TYW1B: variants seen among roughly 807,000 people sequenced by gnomAD.
TYW1B encodes tRNA-yW synthesizing protein 1 homolog B, also known as S-adenosyl-L-methionine-dependent tRNA 4-demethylwyosine synthase TYW1B.
In TYW1B, 73 loss-of-function variants were observed where a neutral mutation model predicts 86.9. The observed-to-expected ratio is 0.84, with a 90% CI of 0.70 to 1.02. The LOEUF (loss-of-function observed/expected upper bound fraction) is 1.02, where lower values mean the gene tolerates loss of function less well. Ranked by LOEUF, TYW1B falls within the 50% of genes least tolerant of loss-of-function variation. The pLI, the probability that TYW1B is intolerant of heterozygous loss-of-function variation, is 0.00. For synonymous variants in TYW1B, 248 were observed against 292.8 expected, an observed-to-expected ratio of 0.85 and a Z score of 1.56; for missense variants, 637 against 827.4, an observed-to-expected ratio of 0.77 and a Z score of 2.82.
chr7:72,675,228 G>A (rs1336216849), intron 11 of TYW1B, among the ~76,000 whole-genome samples: 4 of 151,838 alleles, frequency 2.6e-5, no homozygotes, highest in African/African-American at 9.7e-5. Flanking sequence ...GTGAAACCCC[G>A]TCTCTACTAA....
chr7:72,623,327 G>C (rs1407389721), intron 12 of TYW1B, among the ~76,000 whole-genome samples: 1 of 152,054 alleles, frequency 6.6e-6, no homozygotes, highest in African/African-American at 2.4e-5. Flanking sequence ...TGTGAATCTA[G>C]GGCCAATTTG....
chr7:72,760,043 A>T (rs1293766822), intron 7 of TYW1B, among the ~76,000 whole-genome samples: 2 of 152,196 alleles, frequency 1.3e-5, no homozygotes, highest in African/African-American at 4.8e-5. Flanking sequence ...CGGCACACAG[A>T]GGCAAAAAGA....
At chr7:72,688,764 A>G (rs1308555609) in intron 11 of TYW1B, among the ~76,000 whole-genome samples, 3 of 152,194 alleles carry the variant, frequency 2.0e-5, no homozygotes, top group South Asian at 4.1e-4. Context: ...CATAGAAGCT[A>G]TTATCCACTA....
intron 7 of TYW1B, among the ~76,000 whole-genome samples, chr7:72,752,016 T>C (rs13237657): frequency 0.68 from 102,922 of 151,680 alleles, 35,954 homozygotes; most frequent in Non-Finnish European, 0.77. Context: ...TTGTGGCAGC[T>C]TGTCTGGCTT....
At chr7:72,816,241 T>C (rs1347498375) in intron 2 of TYW1B, among the ~76,000 whole-genome samples, 1 of 151,940 alleles carries the variant, frequency 6.6e-6, no homozygotes, top group Non-Finnish European at 1.5e-5. Flanking sequence ...CCAAGCGTGG[T>C]GGCACACACC....
chr7:72,593,178 G>C (rs61346321), intron 13 of TYW1B, among the ~76,000 whole-genome samples: 6,445 of 152,084 alleles, frequency 0.042, 452 homozygotes, highest in African/African-American at 0.15. Flanking sequence ...TGTAATCCCA[G>C]CTACTCGGGG....
At chr7:72,667,833 A>T (rs1306550066) in intron 11 of TYW1B, among the ~76,000 whole-genome samples, 1 of 152,230 alleles carries the variant, frequency 6.6e-6, no homozygotes, top group African/African-American at 2.4e-5. Context: ...AGGCAATCTG[A>T]TGATATATGA....
intron 13 of TYW1B, among the ~76,000 whole-genome samples, chr7:72,604,337 T>A (rs537613677): frequency 2.0e-5 from 3 of 152,036 alleles, no homozygotes; most frequent in Admixed American, 1.3e-4. Flanking sequence ...TGGCGTGCGC[T>A]TGTAATCCCA....
chr7:72,649,236 C>T (rs1813005018), intron 11 of TYW1B, among the ~76,000 whole-genome samples: 1 of 152,006 alleles, frequency 6.6e-6, no homozygotes, highest in Non-Finnish European at 1.5e-5. Context: ...GACAAAATAG[C>T]TGAAAGAGAA....
At chr7:72,666,616 A>G (rs1290298243) in intron 11 of TYW1B, among the ~76,000 whole-genome samples, 1 of 152,226 alleles carries the variant, frequency 6.6e-6, no homozygotes, top group Non-Finnish European at 1.5e-5. Flanking sequence ...ATAGTAACAC[A>G]GGAATCTCCT....
At chr7:72,692,205 C>CAAAAAAAAAAAAAAAAAAAAAAAAA (rs1168197742) in intron 11 of TYW1B, among the ~76,000 whole-genome samples, 1 of 62,810 alleles carries the variant, frequency 1.6e-5, no homozygotes, top group Non-Finnish European at 2.9e-5. Flanking sequence ...GACTCCATCT[C>CAAAAAAAAAAAAAAAAAAAAAAAAA]AAAAAAAAAA....
intron 8 of TYW1B, among the ~76,000 whole-genome samples, chr7:72,734,736 C>T (rs1321600525): frequency 3.9e-5 from 6 of 152,068 alleles, no homozygotes; most frequent in African/African-American, 1.2e-4. Flanking sequence ...CCAGAATATA[C>T]AAAAAATTCA....
intron 13 of TYW1B, among the ~76,000 whole-genome samples, chr7:72,576,090 G>A (rs1338885229): frequency 1.3e-5 from 2 of 152,180 alleles, no homozygotes; most frequent in African/African-American, 4.8e-5. Context: ...AAATTTTCAA[G>A]GCTGTGTTAA....
chr7:72,728,740 T>C, intron 9 of TYW1B, 82 bp downstream of exon 9: 2 of 1,394,212 alleles, frequency 1.4e-6, no homozygotes, highest in Non-Finnish European at 9.8e-7. Flanking sequence ...GACAAAATCC[T>C]ACCAAAGAGG....
At chr7:72,717,774 A>G (rs556586062) in intron 9 of TYW1B, among the ~76,000 whole-genome samples, 1 of 152,340 alleles carries the variant, frequency 6.6e-6, no homozygotes, top group African/African-American at 2.4e-5. Context: ...TCATTTGCAG[A>G]GAAATGCAAA....
chr7:72,651,555 C>T (rs1395253735), intron 11 of TYW1B, among the ~76,000 whole-genome samples: 2 of 152,122 alleles, frequency 1.3e-5, no homozygotes, highest in East Asian at 1.9e-4. Context: ...GCAGAGGTGG[C>T]AGTGAGCCGA....
At position 72,705,361 on chromosome 7, in the gene TYW1B, C is replaced by T. The variant is rs555575570; in HGVS notation, c.1370+8260G>A. Among the ~76,000 whole-genome samples, 24 of 152,266 alleles carry T rather than the reference C, an allele frequency of 1.6e-4. 1 individual carries two copies. Among genetic ancestry groups the T allele is most frequent in the Middle Eastern group, 6.8e-3 (2 of 294 alleles). On this transcript the variant is annotated intron_variant, in intron 10 of 13. Coordinates refer to ENST00000620995, the MANE Select transcript of TYW1B (RefSeq NM_001145440.3). ...AGCAAACAAAACAGAAATACAGAAG[C>T]AGCAGAGGAAAGAGAATAAAGTTCC...
rs192705032 is a variant in TYW1B, at chr7:72,727,199, G to A, written c.1192+1623C>T. On this transcript the variant is annotated intron_variant, in intron 9 of 13. Transcript: ENST00000620995. The stretch of plus-strand genomic sequence containing the variant: ...GCCAGAACAGAACAAATTTCCTTAC[G>A]TGAAAGAATCACCTGATCTTCAGAA... 1.3e-4 allele frequency among the ~76,000 whole-genome samples: 20 copies of A among 152,260 alleles called. No individual in the cohort carries two copies. In the East Asian group the frequency reaches 3.7e-3, roughly 28 times the overall value.
intron 6 of TYW1B, among the ~76,000 whole-genome samples, chr7:72,778,594 C>T (rs1787997422): frequency 6.6e-6 from 1 of 152,174 alleles, no homozygotes; most frequent in Non-Finnish European, 1.5e-5. Flanking sequence ...GGACTACAGG[C>T]GTGCACCACC....
Sources: gnomAD v4.1 joint callset for allele counts (sites outside exome capture counted in the v4.1 genomes callset) on GRCh38, gnomAD v4.1.1 for gene constraint, MANE v1.5 for transcripts, NCBI Gene and HGNC (gene_info 2026-07-23, HGNC 2026-07-21) for gene names.